Variants in TMOD2 observed in about 807,000 individuals in gnomAD.
TMOD2 encodes the protein tropomodulin 2, also known as tropomodulin-2.
In TMOD2, 22 loss-of-function variants were observed where a neutral mutation model predicts 39.9. The observed-to-expected ratio is 0.55, with a 90% CI of 0.39 to 0.79. The LOEUF is 0.79. Ranked by LOEUF, TMOD2 falls within the 30% of genes least tolerant of loss-of-function variation. The probability of loss-of-function intolerance (pLI) is 0.00; values close to 1 mark genes in which losing one functional copy is unlikely to be tolerated. For synonymous variants in TMOD2, 123 were observed against 146.1 expected, an observed-to-expected ratio of 0.84 and a Z score of 1.14; for missense variants, 386 against 413.3, an observed-to-expected ratio of 0.93 and a Z score of 0.57.
intron 7 of TMOD2, among the ~76,000 whole-genome samples, chr15:51,790,493 C>T (rs1390771682): frequency 6.6e-6 from 1 of 152,158 alleles, no homozygotes; most frequent in Non-Finnish European, 1.5e-5. Context: ...GGAATTCTCC[C>T]TAACTCATTT....
chr15:51,806,961 A>G (rs3794537), intron 9 of TMOD2, among the ~76,000 whole-genome samples: 2,361 of 152,310 alleles, frequency 0.016, 82 homozygotes, highest in Admixed American at 0.072. Context: ...ACATGGAGCT[A>G]CATTATGAAG....
At chr15:51,763,070 G>C (rs2141614954) in intron 1 of TMOD2, among the ~76,000 whole-genome samples, 1 of 151,866 alleles carries the variant, frequency 6.6e-6, no homozygotes, top group South Asian at 2.1e-4. Context: ...GAATAACTGG[G>C]ACTACAGGCA....
intron 8 of TMOD2, 98 bp from the exon 9 acceptor site, chr15:51,806,279 C>T: frequency 7.0e-7 from 1 of 1,429,848 alleles, no homozygotes; most frequent in Non-Finnish European, 9.6e-7. Flanking sequence ...GCCTCTTTGC[C>T]TTTTTGTCCA....
rs555573893 is a variant in TMOD2, at chr15:51,798,172, GT to G, written c.733-17del. The G allele has an allele frequency of 4.0e-5, 63 of 1,562,684 alleles. No individual in the cohort carries two copies. The African/African-American group carries it at 7.5e-4, about 19-fold the overall frequency. ...TTTAGAAATTCTAACTTAATTCTAAGTTTTTTTTCTTTTTGCATCATAAGGC... is the reference window on the plus strand; with the variant it reads ...TTTAGAAATTCTAACTTAATTCTAAGTTTTTTTCTTTTTGCATCATAAGGC... On this transcript the variant is annotated intron_variant, in intron 7 of 9. Transcript: ENST00000249700.
At chr15:51,756,215 C>CT (rs1167033775) in intron 1 of TMOD2, 1 of 152,222 alleles carries the variant, frequency 6.6e-6, no homozygotes, top group African/African-American at 2.4e-5. Context: ...AGGTGGAAAT[C>CT]TATCTCATAG....
chr15:51,801,286 C>T, intron 8 of TMOD2, among the ~76,000 whole-genome samples: 1 of 120,744 alleles, frequency 8.3e-6, no homozygotes, highest in East Asian at 2.4e-4. Flanking sequence ...CACACACACC[C>T]TGTCTCTCTC....
intron 8 of TMOD2, among the ~76,000 whole-genome samples, chr15:51,803,861 G>A (rs1467930199): frequency 6.6e-6 from 1 of 152,188 alleles, no homozygotes; most frequent in East Asian, 1.9e-4. Flanking sequence ...AAAATTCATT[G>A]TTCTTATTCA....
chr15:51,803,703 C>A (rs140885057), intron 8 of TMOD2, among the ~76,000 whole-genome samples: 3 of 152,248 alleles, frequency 2.0e-5, no homozygotes, highest in African/African-American at 7.2e-5. Context: ...GTTTTCAGCA[C>A]ATTTGACAAA....
chr15:51,766,304 G>C, intron 1 of TMOD2, 69 bp from the exon 2 acceptor site: 1 of 728,848 alleles, frequency 1.4e-6, no homozygotes, highest in East Asian at 2.7e-5. Flanking sequence ...GCATACTTCT[G>C]TCTCCTGTTA....
chr15:51,777,104 G>A, intron 5 of TMOD2, 86 bp downstream of exon 5: 1 of 1,099,656 alleles, frequency 9.1e-7, no homozygotes, highest in Non-Finnish European at 1.4e-6. Flanking sequence ...AGTCTTGCAG[G>A]CTTTACACTC....
intron 4 of TMOD2, 143 bp downstream of exon 4, chr15:51,773,977 A>T (rs1416696065): frequency 1.3e-5 from 12 of 932,310 alleles, no homozygotes. Flanking sequence ...GTAAGTCTTG[A>T]TGCAGGTGAC....
chr15:51,795,380 G>A lies in TMOD2; in HGVS notation c.733-2817G>A, dbSNP rs1016810500. ...ATGGAGGTTACAGTGAGCCGACACA[G>A]TGCCACTGCACTCCAGCCTGGGCAA... On this transcript the variant is annotated intron_variant, in intron 7 of 9. Coordinates refer to ENST00000249700, the MANE Select transcript of TMOD2 (RefSeq NM_014548.4). Among the ~76,000 whole-genome samples the A allele has an allele frequency of 2.0e-5, 3 of 150,772 alleles. No homozygotes were observed. In the South Asian group the frequency reaches 6.3e-4, roughly 32 times the overall value.
intron 7 of TMOD2, chr15:51,783,767 ATAG>A (rs1267895612): frequency 3.3e-5 from 5 of 151,742 alleles, no homozygotes; most frequent in Non-Finnish European, 5.9e-5. Context: ...AGATAGATAG[ATAG>A]ATAGATAGAT....
intron 3 of TMOD2, among the ~76,000 whole-genome samples, chr15:51,773,382 T>G (rs2055866237): frequency 6.6e-6 from 1 of 152,178 alleles, no homozygotes; most frequent in Admixed American, 6.5e-5. Context: ...TTCTCTAAAG[T>G]GCACGACTCA....
At position 51,804,484 on chromosome 15, in the gene TMOD2, G is replaced by A. The variant is rs181755603; in HGVS notation, c.877-1893G>A. Among the ~76,000 whole-genome samples, 7 of 152,236 alleles carry A rather than the reference G, an allele frequency of 4.6e-5. No homozygotes were observed. In the East Asian group the frequency reaches 1.2e-3, roughly 25 times the overall value. The stretch of plus-strand genomic sequence containing the variant: ...AATCTGGCTTTCTCTGTGGGGAATG[G>A]GGATGTTGGAGTAAGGAGACTTGCA... On this transcript the variant is annotated intron_variant, in intron 8 of 9. Coordinates refer to ENST00000249700, the MANE Select transcript of TMOD2 (RefSeq NM_014548.4).
Position 51,813,052 on chromosome 15 carries a change from G to T in TMOD2, c.*4598G>T, listed in dbSNP as rs570214039. 5 of 152,250 alleles carry T rather than the reference G, an allele frequency of 3.3e-5. No homozygotes were observed. Among genetic ancestry groups the T allele is most frequent in the Admixed American group, 3.3e-4 (5 of 15,284 alleles). The allele number at this position is 152,250 out of a possible 1,614,324, so 9.4% of individuals were successfully genotyped here. ...TGTAATATACTAGCCAGAGAAAAGCGCCAAGAACTTCAGGGATATTATTCA... is the reference window on the plus strand; with the variant it reads ...TGTAATATACTAGCCAGAGAAAAGCTCCAAGAACTTCAGGGATATTATTCA... On this transcript the variant is annotated 3_prime_UTR_variant, in exon 10 of 10. Transcript: ENST00000249700.
rs2056162191 is a variant in TMOD2 at position 51,812,428 on chromosome 15, A to G, written c.*3974A>G. ...CTTAAAACCAATATTAAGCATCAGC[A>G]TGCTTTAAGTGTAAGATAGCCCTTT... is the stretch of plus-strand genomic sequence containing the variant. On this transcript the variant is annotated 3_prime_UTR_variant, in exon 10 of 10. Transcript: ENST00000249700. The G allele has an allele frequency of 6.6e-6, 1 of 152,266 alleles. No homozygotes were observed. The highest frequency in any genetic ancestry group is 2.4e-5 in the African/African-American group (1 of 41,472). 9.4% of individuals were successfully genotyped at this position (152,266 alleles called of 1,614,324 possible). A position where few individuals can be genotyped will look rare whatever the true frequency, so the allele number is the denominator to read the frequency against.
chr15:51,758,146 A>C (rs550356930), intron 1 of TMOD2, among the ~76,000 whole-genome samples: 30 of 152,094 alleles, frequency 2.0e-4, no homozygotes, highest in Non-Finnish European at 3.2e-4. Context: ...GTTGTGCTCC[A>C]GGAGGATGCA....
At chr15:51,796,938 GCAGA>G (rs1386838124) in intron 7 of TMOD2, among the ~76,000 whole-genome samples, 1 of 152,168 alleles carries the variant, frequency 6.6e-6, no homozygotes, top group African/African-American at 2.4e-5. Flanking sequence ...GATGTCAAAA[GCAGA>G]CAGTGTCATT....
Sources: gnomAD v4.1 joint callset for allele counts (sites outside exome capture counted in the v4.1 genomes callset) on GRCh38, gnomAD v4.1.1 for gene constraint, MANE v1.5 for transcripts, NCBI Gene and HGNC (gene_info 2026-07-23, HGNC 2026-07-21) for gene names.